PCDHGB6: variants seen among roughly 807,000 people sequenced by gnomAD.
PCDHGB6 encodes the protein protocadherin gamma subfamily B, 6, also known as protocadherin gamma-B6.
In PCDHGB6, 51 loss-of-function variants were observed where a neutral mutation model predicts 59.1. The ratio of observed to expected loss-of-function variants is 0.86; its 90% confidence interval spans 0.69 to 1.09. The LOEUF (loss-of-function observed/expected upper bound fraction) is 1.09. Ranked by LOEUF, PCDHGB6 falls within the 50% of genes least tolerant of loss-of-function variation. The pLI, the probability that PCDHGB6 is intolerant of heterozygous loss-of-function variation, is 0.00. For missense variants in PCDHGB6, 1,148 were observed against 1,205.1 expected (o/e 0.95, Z 0.70); for synonymous variants, 466 against 495.1 (o/e 0.94, Z 0.78).
In PCDHGB6 at chr5:141,471,825, A is replaced by G. The variant is rs150400990; in HGVS notation, c.2419-22982A>G. Among the ~76,000 whole-genome samples, 61 of 152,344 alleles carry G rather than the reference A, an allele frequency of 4.0e-4. No individual in the cohort carries two copies. In the East Asian group the frequency reaches 0.011, roughly 27 times the overall value. ...ACATATAAAAGACTACCTATTTTAT[A>G]ATTCCTTTTTAATAAAATATTCAGA... On this transcript the variant is annotated intron_variant, in intron 1 of 3. Coordinates refer to ENST00000520790, the MANE Select transcript of PCDHGB6 (RefSeq NM_018926.3).
Position 141,486,638 on chromosome 5 carries a change from C to T in PCDHGB6, c.2419-8169C>T, listed in dbSNP as rs753730551. 5.6e-6 allele frequency: 9 copies of T among 1,613,700 alleles called. No homozygotes were observed. In the East Asian group the frequency reaches 8.9e-5, roughly 16 times the overall value. On this transcript the variant is annotated intron_variant, in intron 1 of 3. Coordinates refer to ENST00000520790, the MANE Select transcript of PCDHGB6 (RefSeq NM_018926.3). This position sits in a 1 kb window ranked among gnomAD's most constrained non-coding sequence, Gnocchi z 5.0. The stretch of plus-strand genomic sequence containing the variant: ...TGACCCAGACTCTGGCTTGAATGCG[C>T]TTATCTCCTACTCACTCCTGGAGCC...
chr5:141,427,126 C>T (rs1216633922), intron 1 of PCDHGB6: 1 of 457,282 alleles, frequency 2.2e-6, no homozygotes, highest in Non-Finnish European at 4.4e-6. Context: ...TCTTTCAAAT[C>T]CCTACGAGAT....
chr5:141,470,490 A>C (rs1193023083), intron 1 of PCDHGB6, among the ~76,000 whole-genome samples: 1 of 152,202 alleles, frequency 6.6e-6, no homozygotes, highest in African/African-American at 2.4e-5. Context: ...TCTGGGAATA[A>C]TATTAGGTAA....
intron 1 of PCDHGB6, chr5:141,420,931 AATC>A: frequency 2.7e-6 from 1 of 369,128 alleles, no homozygotes; most frequent in African/African-American, 2.1e-5. Context: ...AGGTGAGCGT[AATC>A]ATTTCTTCTG....
intron 1 of PCDHGB6, chr5:141,419,427 A>C: frequency 1.2e-6 from 2 of 1,613,290 alleles, no homozygotes; most frequent in Non-Finnish European, 1.7e-6. Context: ...TTCGACCACG[A>C]GCAGCTGCGC....
At chr5:141,441,709 C>T in intron 1 of PCDHGB6, 1 of 321,306 alleles carries the variant, frequency 3.1e-6, no homozygotes, top group Non-Finnish European at 6.1e-6. Flanking sequence ...TTCAAGCTCA[C>T]GCTGCAGGCC....
At position 141,432,298 on chromosome 5, in the gene PCDHGB6, A is replaced by G; in HGVS notation, c.2418+21678A>G. 6.2e-7 allele frequency: 1 copy of G among 1,614,236 alleles called. No homozygotes were observed. The highest frequency in any genetic ancestry group is 8.5e-7 in the Non-Finnish European group (1 of 1,180,036). The stretch of plus-strand genomic sequence containing the variant: ...TGTCCATCAACTCCGACACTGGGGT[A>G]CTGTATGCGCTGAGCTCCTTCGACT... On this transcript the variant is annotated intron_variant, in intron 1 of 3. Transcript: ENST00000520790. This position sits in a 1 kb window ranked among gnomAD's most constrained non-coding sequence, Gnocchi z 6.0.
At chr5:141,509,805 G>A (rs150684746) in intron 3 of PCDHGB6, among the ~76,000 whole-genome samples, 2 of 152,248 alleles carry the variant, frequency 1.3e-5, no homozygotes, top group Middle Eastern at 3.4e-3. Flanking sequence ...GCTTCATAGA[G>A]CCGAGCTCTT....
intron 1 of PCDHGB6, chr5:141,419,197 T>A (rs560134083): frequency 6.2e-7 from 1 of 1,613,966 alleles, no homozygotes; most frequent in East Asian, 2.2e-5. Flanking sequence ...CTGACGTCAA[T>A]GACAACGCGC....
chr5:141,421,642 G>A, intron 1 of PCDHGB6: 1 of 1,613,850 alleles, frequency 6.2e-7, no homozygotes, highest in South Asian at 1.1e-5. Flanking sequence ...GGAGGACGAA[G>A]TGGAGATAAA....
rs1256615029 is a variant in PCDHGB6 at position 141,512,740 on chromosome 5, C to T, written c.*1567C>T. ...GCGGGTGGGCAGCGGGCGGCGGGCT[C>T]CGCGCAGCCGTCTGTCCTTGATCTG... On this transcript the variant is annotated 3_prime_UTR_variant, in exon 4 of 4. Transcript: ENST00000520790. 1 of 152,788 alleles carries T rather than the reference C, an allele frequency of 6.5e-6. No individual in the cohort carries two copies. The highest frequency in any genetic ancestry group is 1.5e-5 in the Non-Finnish European group (1 of 68,570). The allele number at this position is 152,788 out of a possible 1,614,324, so 9.5% of individuals were successfully genotyped here.
At position 141,477,004 on chromosome 5, in the gene PCDHGB6, C is replaced by T. The variant is rs1390668803; in HGVS notation, c.2419-17803C>T. On this transcript the variant is annotated intron_variant, in intron 1 of 3. Coordinates refer to ENST00000520790, the MANE Select transcript of PCDHGB6 (RefSeq NM_018926.3). The surrounding 1 kb of genome is among the most constrained non-coding windows in gnomAD (Gnocchi z 4.9). ...GCGCCGGCGTGCGGCAACTATTCGC[C>T]TTAGACCTTGTAACCGGGATGCTGA... is the stretch of plus-strand genomic sequence containing the variant. 3 of 1,614,236 alleles carry T rather than the reference C, an allele frequency of 1.9e-6. No homozygotes were observed. The highest frequency in any genetic ancestry group is 2.5e-6 in the Non-Finnish European group (3 of 1,180,042).
At chr5:141,428,034 T>A (rs768728101) in intron 1 of PCDHGB6, 8 of 1,607,778 alleles carry the variant, frequency 5.0e-6, no homozygotes, top group Middle Eastern at 1.7e-4. Context: ...AGAGTCCGGC[T>A]ACCTGGTGAC....
chr5:141,432,800 C>T lies in PCDHGB6; in HGVS notation c.2418+22180C>T. The T allele has an allele frequency of 6.2e-7, 1 of 1,614,156 alleles. No individual in the cohort carries two copies. The highest frequency in any genetic ancestry group is 8.5e-7 in the Non-Finnish European group (1 of 1,180,008). ...GGCGGACCTCGGCAGCCTCGAGTCT[C>T]CAGCTAACTCTGAAACCTCAGACCT... On this transcript the variant is annotated intron_variant, in intron 1 of 3. Transcript: ENST00000520790. This position sits in a 1 kb window ranked among gnomAD's most constrained non-coding sequence, Gnocchi z 6.0.
At position 141,490,753 on chromosome 5, in the gene PCDHGB6, T is replaced by C; in HGVS notation, c.2419-4054T>C. ...TCAGGTTCAGGGAGCCCCAGCCTCC[T>C]CCTTTGTGTATGTCAACCCAGAGGA... On this transcript the variant is annotated intron_variant, in intron 1 of 3. Transcript: ENST00000520790. This position sits in a 1 kb window ranked among gnomAD's most constrained non-coding sequence, Gnocchi z 5.4. 1 of 1,614,184 alleles carries C rather than the reference T, an allele frequency of 6.2e-7. No individual in the cohort carries two copies. The highest frequency in any genetic ancestry group is 8.5e-7 in the Non-Finnish European group (1 of 1,180,024).
chr5:141,480,122 C>T (rs576224922), intron 1 of PCDHGB6, among the ~76,000 whole-genome samples: 1 of 151,948 alleles, frequency 6.6e-6, no homozygotes, highest in African/African-American at 2.4e-5. Flanking sequence ...CCTGGCATAT[C>T]ATAACTGTTA....
intron 1 of PCDHGB6, chr5:141,412,995 T>G: frequency 1.7e-6 from 1 of 572,718 alleles, no homozygotes. Flanking sequence ...TCAATCCGGA[T>G]TCTCAGGGCT....
At chr5:141,462,280 C>T (rs927977920) in intron 1 of PCDHGB6, among the ~76,000 whole-genome samples, 15 of 152,146 alleles carry the variant, frequency 9.9e-5, no homozygotes, top group African/African-American at 3.4e-4. Context: ...TGTTTAGTCA[C>T]CAAATATGTA....
chr5:141,421,838 A>G (rs2096604619), intron 1 of PCDHGB6: 1 of 1,613,764 alleles, frequency 6.2e-7, no homozygotes, highest in East Asian at 2.2e-5. Flanking sequence ...CTGGACCGAG[A>G]GAAAGAGGCT....
Sources: allele counts gnomAD v4.1 joint callset (sites outside exome capture counted in the v4.1 genomes callset), GRCh38; gene constraint gnomAD v4.1.1; non-coding constraint Gnocchi (gnomAD v3.1); transcripts MANE v1.5; gene names NCBI Gene and HGNC (gene_info 2026-07-23, HGNC 2026-07-21).